The following CCDC171 variants were observed in gnomAD, a reference collection of about 807,000 sequenced individuals.
CCDC171 encodes the protein coiled-coil domain-containing protein 171.
In CCDC171, 177 loss-of-function variants were observed where a neutral mutation model predicts 168.2. The ratio of observed to expected loss-of-function variants is 1.05; its 90% CI spans 0.93 to 1.19. The LOEUF (loss-of-function observed/expected upper bound fraction) is 1.19, where lower values mean the gene tolerates loss of function less well. CCDC171 is among the 50% of genes most tolerant of loss of function. CCDC171 has a pLI of 0.00. For synonymous variants in CCDC171, 687 were observed against 540.8 expected (o/e 1.27, Z -3.75); for missense variants, 1,991 against 1,539.0 (o/e 1.29, Z -4.91).
chr9:15,733,910 G>C (rs546391245), intron 16 of CCDC171, among the ~76,000 whole-genome samples: 1 of 152,176 alleles, frequency 6.6e-6, no homozygotes, highest in South Asian at 2.1e-4. Flanking sequence ...TGGGACTGTA[G>C]GCATGCACTA....
At chr9:15,983,267 C>T (rs1353069442) in intron 3 of CCDC171, among the ~76,000 whole-genome samples, 1 of 152,052 alleles carries the variant, frequency 6.6e-6, no homozygotes, top group Non-Finnish European at 1.5e-5. Context: ...GAAATTCAGC[C>T]ACAGAGAACT....
At chr9:15,584,346 C>G (rs2041384991) in intron 4 of CCDC171, among the ~76,000 whole-genome samples, 1 of 152,120 alleles carries the variant, frequency 6.6e-6, no homozygotes, top group South Asian at 2.1e-4. Flanking sequence ...CAAGAGAAAA[C>G]CATAACAAAT....
chr9:15,947,088 T>C (rs1353246402), intron 25 of CCDC171, among the ~76,000 whole-genome samples: 1 of 152,008 alleles, frequency 6.6e-6, no homozygotes, highest in Admixed American at 6.6e-5. Context: ...GTTGGGATTT[T>C]AGAAAGACAA....
Position 15,571,640 on chromosome 9 carries a change from T to A in CCDC171, c.58T>A (p.Leu20Met). 1 of 1,560,708 alleles carries A rather than the reference T, an allele frequency of 6.4e-7. No homozygotes were observed. The highest frequency in any genetic ancestry group is 1.2e-5 in the South Asian group (1 of 81,636). ...ATTTTAAAGGTTGAAGATTGCCTCA[T>A]TGGATGTAAAACAAATACTTAAAAA... ...GDTQRLKIAS[L>M]DVKQILKNET... Residue 20 changes from leucine (L) to methionine (M), a missense_variant, in exon 3 of 26, where the codon TTG becomes ATG. Leu to Met is a conservative substitution (Grantham distance 15). Coordinates refer to ENST00000380701, the MANE Select transcript of CCDC171 (RefSeq NM_173550.4).
intron 25 of CCDC171, among the ~76,000 whole-genome samples, chr9:15,940,100 C>G (rs1466235735): frequency 1.3e-5 from 2 of 151,870 alleles, no homozygotes; most frequent in African/African-American, 4.8e-5. Context: ...TGCCATACAA[C>G]TTTATATCAT....
intron 23 of CCDC171, among the ~76,000 whole-genome samples, chr9:15,858,264 C>A (rs1431352557): frequency 6.6e-6 from 1 of 152,022 alleles, no homozygotes; most frequent in Non-Finnish European, 1.5e-5. Flanking sequence ...AGGTGATCCA[C>A]GTCCTTGGCC....
chr9:15,943,675 A>G (rs1346644923), intron 25 of CCDC171, among the ~76,000 whole-genome samples: 3 of 152,126 alleles, frequency 2.0e-5, no homozygotes, highest in Admixed American at 1.3e-4. Context: ...TCCCTTTTGA[A>G]GAGTTCTAAA....
At chr9:15,772,216 G>A (rs2057050115) in intron 18 of CCDC171, among the ~76,000 whole-genome samples, 1 of 152,120 alleles carries the variant, frequency 6.6e-6, no homozygotes, top group South Asian at 2.1e-4. Context: ...TATTGTTTAA[G>A]TTCGTGGATC....
chr9:15,688,312 A>G (rs1456328912), intron 10 of CCDC171, among the ~76,000 whole-genome samples: 5 of 152,156 alleles, frequency 3.3e-5, no homozygotes, highest in Non-Finnish European at 7.3e-5. Context: ...ATTACCACCA[A>G]TTCTTCATAA....
intron 11 of CCDC171, among the ~76,000 whole-genome samples, chr9:15,711,974 T>A (rs1421964676): frequency 6.6e-6 from 1 of 152,210 alleles, no homozygotes; most frequent in Non-Finnish European, 1.5e-5. Context: ...GAGGGTCTAT[T>A]ATCCGGGAGA....
chr9:15,802,479 C>G (rs966112202), intron 21 of CCDC171, among the ~76,000 whole-genome samples: 8 of 152,046 alleles, frequency 5.3e-5, no homozygotes, highest in Non-Finnish European at 1.0e-4. Context: ...TCTCATTTAG[C>G]TCCCACTTAT....
At chr9:15,648,175 A>G (rs1488100507) in intron 7 of CCDC171, among the ~76,000 whole-genome samples, 2 of 152,220 alleles carry the variant, frequency 1.3e-5, no homozygotes, top group Non-Finnish European at 1.5e-5. Context: ...GATGCAGAAA[A>G]GGCCTTTGGC....
intron 6 of CCDC171, among the ~76,000 whole-genome samples, chr9:15,612,836 T>A (rs146340448): frequency 1.3e-5 from 2 of 152,338 alleles, no homozygotes; most frequent in South Asian, 2.1e-4. Context: ...TTACCTGTCT[T>A]ACTAGTTTGT....
intron 1 of CCDC171, among the ~76,000 whole-genome samples, chr9:15,554,272 G>T (rs1417617637): frequency 6.6e-6 from 1 of 152,118 alleles, no homozygotes. Flanking sequence ...CGCCCGCCTC[G>T]GCCTCCCAAA....
intron 1 of CCDC171, among the ~76,000 whole-genome samples, chr9:15,563,344 G>C (rs182754849): frequency 6.6e-6 from 1 of 152,004 alleles, no homozygotes; most frequent in East Asian, 1.9e-4. Flanking sequence ...CTCCATGTTG[G>C]TCAGGCTGGT....
intron 4 of CCDC171, among the ~76,000 whole-genome samples, chr9:15,590,834 TTC>T (rs1491398806): frequency 3.3e-4 from 30 of 90,648 alleles, no homozygotes; most frequent in South Asian, 1.1e-3. Context: ...TCTTTCTTTC[TTC>T]TTCTTTCTTT....
At chr9:15,864,420 A>G (rs1248983291) in intron 23 of CCDC171, among the ~76,000 whole-genome samples, 2 of 152,040 alleles carry the variant, frequency 1.3e-5, no homozygotes, top group East Asian at 1.9e-4. Flanking sequence ...TTAACTTGTC[A>G]TTTACATTAG....
At position 15,683,211 on chromosome 9, in the gene CCDC171, A is replaced by G. The variant is rs142484627; in HGVS notation, c.1215+4315A>G. The stretch of plus-strand genomic sequence containing the variant: ...TGTTTTATTCTCTAAAGAACTTGTG[A>G]TTGAAAATGGTCAAGTGTATATTTT... On this transcript the variant is annotated intron_variant, in intron 10 of 25. Transcript: ENST00000380701. 5.3e-5 allele frequency among the ~76,000 whole-genome samples: 8 copies of G among 152,120 alleles called. No individual in the cohort carries two copies. The East Asian group carries it at 1.5e-3, about 29-fold the overall frequency.
intron 24 of CCDC171, among the ~76,000 whole-genome samples, chr9:15,890,391 C>G (rs1217358640): frequency 6.6e-6 from 1 of 152,106 alleles, no homozygotes; most frequent in Non-Finnish European, 1.5e-5. Flanking sequence ...ATTCCTTTTC[C>G]TATAAAATGC....
Sources: gnomAD v4.1 joint callset for allele counts (sites outside exome capture counted in the v4.1 genomes callset) on GRCh38, gnomAD v4.1.1 for gene constraint, MANE v1.5 for transcripts, NCBI Gene and HGNC (gene_info 2026-07-23, HGNC 2026-07-21) for gene names.